CNTN6: variants seen among roughly 807,000 people sequenced by gnomAD.
The protein encoded by CNTN6 is contactin-6.
A neutral mutation model predicts 122.8 loss-of-function variants in CNTN6; 137 were observed. That is an observed-to-expected ratio of 1.12 (90% CI 0.97 to 1.29). The LOEUF (loss-of-function observed/expected upper bound fraction) is 1.29. Ranked by LOEUF, CNTN6 falls within the 50% of genes most tolerant of loss-of-function variation. The probability of loss-of-function intolerance (pLI) is 0.00; values close to 1 mark genes in which losing one functional copy is unlikely to be tolerated. For synonymous variants in CNTN6, 570 were observed against 426.0 expected, an observed-to-expected ratio of 1.34 and a Z score of -4.16; for missense variants, 1,634 against 1,223.4, an observed-to-expected ratio of 1.34 and a Z score of -5.01.
chr3:1,172,535 A>G (rs2093375010), intron 2 of CNTN6, among the ~76,000 whole-genome samples: 1 of 152,182 alleles, frequency 6.6e-6, no homozygotes, highest in Non-Finnish European at 1.5e-5. Context: ...TGGTCATTTC[A>G]GATTGTTCCG....
At position 1,159,165 on chromosome 3, in the gene CNTN6, G is replaced by A. The variant is rs139401409; in HGVS notation, c.55+11102G>A. Among the ~76,000 whole-genome samples, 64 of 151,714 alleles carry A rather than the reference G, an allele frequency of 4.2e-4. 1 individual carries two copies. The highest frequency in any genetic ancestry group is 1.4e-3 in the African/African-American group (56 of 41,340). ...GGAACTGGATTGTGTTCAAATTACC[G>A]CCTAATTACCATAGTGGGGGCTTAT... On this transcript the variant is annotated intron_variant, in intron 2 of 22. Transcript: ENST00000446702.
chr3:1,380,623 A>G (rs564700123), intron 17 of CNTN6, among the ~76,000 whole-genome samples: 2 of 152,300 alleles, frequency 1.3e-5, no homozygotes, highest in East Asian at 3.9e-4. Flanking sequence ...GCCAGACAGT[A>G]AAAATATTCA....
At chr3:1,322,325 T>C (rs1028547926) in intron 8 of CNTN6, among the ~76,000 whole-genome samples, 1 of 151,758 alleles carries the variant, frequency 6.6e-6, no homozygotes, top group African/African-American at 2.4e-5. Flanking sequence ...TTTAAAATTA[T>C]GTTTGTCTCA....
chr3:1,388,298 G>A lies in CNTN6; in HGVS notation c.2704+2501G>A, dbSNP rs181383317. On this transcript the variant is annotated intron_variant, in intron 20 of 22. Coordinates refer to ENST00000446702, the MANE Select transcript of CNTN6 (RefSeq NM_001289080.2). The stretch of plus-strand genomic sequence containing the variant: ...AACTGGGAGGCACCCCCCAGCAGGG[G>A]CACACTGACACCTCACACGGCAGGG... Among the ~76,000 whole-genome samples, 660 of 140,478 alleles carry A rather than the reference G, an allele frequency of 4.7e-3. 1 individual carries two copies. Among genetic ancestry groups the A allele is most frequent in the Admixed American group, 6.3e-3 (86 of 13,574 alleles). 92.2% of individuals were successfully genotyped at this position (140,478 alleles called of 152,430 possible).
chr3:1,256,805 G>A (rs77252653), intron 4 of CNTN6, among the ~76,000 whole-genome samples: 3,336 of 151,970 alleles, frequency 0.022, 96 homozygotes, highest in African/African-American at 0.071. Flanking sequence ...GTCTCTTATT[G>A]GACTTTGTTA....
chr3:1,271,881 C>T (rs1199009901), intron 4 of CNTN6, among the ~76,000 whole-genome samples: 1 of 152,070 alleles, frequency 6.6e-6, no homozygotes, highest in Admixed American at 6.5e-5. Context: ...TTAGTGTGAA[C>T]CGTGGAACCA....
At chr3:1,093,906 T>C (rs1464122424) in intron 1 of CNTN6, among the ~76,000 whole-genome samples, 1 of 152,214 alleles carries the variant, frequency 6.6e-6, no homozygotes, top group African/African-American at 2.4e-5. Flanking sequence ...TTGGAATTCA[T>C]AGTTTTTGCT....
At chr3:1,190,209 T>C (rs184846450) in intron 2 of CNTN6, among the ~76,000 whole-genome samples, 20 of 152,134 alleles carry the variant, frequency 1.3e-4, no homozygotes, top group Admixed American at 1.3e-3. Context: ...CTCTGATGTC[T>C]CTTTTTATAA....
chr3:1,298,859 A>G (rs77450764), intron 7 of CNTN6, among the ~76,000 whole-genome samples: 3,237 of 152,184 alleles, frequency 0.021, 114 homozygotes, highest in African/African-American at 0.074. Flanking sequence ...GACTTGACTG[A>G]CTCAGAGGTA....
intron 3 of CNTN6, 87 bp downstream of exon 3, chr3:1,220,900 C>A: frequency 7.1e-7 from 1 of 1,408,914 alleles, no homozygotes; most frequent in African/African-American, 1.4e-5. Flanking sequence ...TATAAAATGT[C>A]CTAATTTGTA....
At chr3:1,259,860 TACACAC>T (rs141236194) in intron 4 of CNTN6, among the ~76,000 whole-genome samples, 1,550 of 152,246 alleles carry the variant, frequency 0.01, 19 homozygotes, top group African/African-American at 0.036. Flanking sequence ...ATTATATACA[TACACAC>T]ACATACATAC....
In CNTN6 at chr3:1,276,831, T is replaced by C. The variant is rs563474880; in HGVS notation, c.359-1582T>C. The stretch of plus-strand genomic sequence containing the variant: ...TTATATGTAATATAATGATCTAAAG[T>C]TGACGTTCCAGATTAGCTATGTTTC... On this transcript the variant is annotated intron_variant, in intron 4 of 22. Transcript: ENST00000446702. Among the ~76,000 whole-genome samples, 5 of 152,328 alleles carry C rather than the reference T, an allele frequency of 3.3e-5. No individual in the cohort carries two copies. The South Asian group carries it at 6.2e-4, about 19-fold the overall frequency.
intron 8 of CNTN6, among the ~76,000 whole-genome samples, chr3:1,322,363 A>G (rs1700976095): frequency 6.6e-6 from 1 of 151,686 alleles, no homozygotes; most frequent in Non-Finnish European, 1.5e-5. Context: ...TAAACTTAAG[A>G]GAGACGATGA....
chr3:1,380,877 G>C (rs902609055), intron 17 of CNTN6, among the ~76,000 whole-genome samples: 6 of 152,160 alleles, frequency 3.9e-5, no homozygotes, highest in African/African-American at 7.2e-5. Flanking sequence ...AATTTTCATA[G>C]ATTTTACTCC....
chr3:1,399,668 A>G (rs1695433342), intron 20 of CNTN6, among the ~76,000 whole-genome samples: 1 of 152,190 alleles, frequency 6.6e-6, no homozygotes, highest in Non-Finnish European at 1.5e-5. Context: ...CATAATCAAT[A>G]CAGCCTGAGA....
chr3:1,294,486 A>T (rs1695861072), intron 5 of CNTN6, among the ~76,000 whole-genome samples: 1 of 152,198 alleles, frequency 6.6e-6, no homozygotes, highest in Non-Finnish European at 1.5e-5. Context: ...TCCTCATTTT[A>T]CTTGGGGAAG....
chr3:1,281,083 T>C (rs901022061), intron 5 of CNTN6, among the ~76,000 whole-genome samples: 8 of 152,212 alleles, frequency 5.3e-5, no homozygotes, highest in African/African-American at 1.9e-4. Flanking sequence ...TAAATCAACC[T>C]GTGCCATCTA....
At chr3:1,329,253 G>A (rs1158273892) in intron 10 of CNTN6, among the ~76,000 whole-genome samples, 1 of 105,186 alleles carries the variant, frequency 9.5e-6, no homozygotes, top group Non-Finnish European at 1.7e-5. Flanking sequence ...ACATGTATAT[G>A]TGTGTGTGTG....
At chr3:1,348,157 CAAAA>C (rs532282828) in intron 11 of CNTN6, among the ~76,000 whole-genome samples, 8 of 64,302 alleles carry the variant, frequency 1.2e-4, no homozygotes, top group African/African-American at 4.1e-4. Flanking sequence ...ATGCTATAGA[CAAAA>C]AAAAAAAAAA....
Sources: allele counts gnomAD v4.1 joint callset (sites outside exome capture counted in the v4.1 genomes callset), GRCh38; gene constraint gnomAD v4.1.1; transcripts MANE v1.5; gene names NCBI Gene and HGNC (gene_info 2026-07-23, HGNC 2026-07-21).